Variants in KIF13A observed in about 807,000 individuals in gnomAD.
KIF13A encodes the protein kinesin-like protein KIF13A.
KIF13A carries 79 observed loss-of-function variants against 212.2 expected under a neutral mutation model. That is an observed-to-expected ratio of 0.37 (90% CI 0.31 to 0.45). The LOEUF is 0.45. Among genes scored for constraint, KIF13A ranks in the 20% least tolerant of loss-of-function variants. The pLI is 1.00. For synonymous variants in KIF13A, 789 were observed against 808.6 expected (o/e 0.98, Z 0.41); for missense variants, 1,901 against 2,209.0 (o/e 0.86, Z 2.79).
Position 17,951,428 on chromosome 6 carries a change from G to T in KIF13A, c.146+35626C>A. The T allele has an allele frequency of 1.9e-6, 1 of 533,182 alleles. No homozygotes were observed. The highest frequency in any genetic ancestry group is 2.5e-5 in the South Asian group (1 of 40,058). The allele number at this position is 533,182 out of a possible 1,614,324, so 33.0% of individuals were successfully genotyped here. On this transcript the variant is annotated intron_variant, in intron 2 of 38. Coordinates refer to ENST00000259711, the MANE Select transcript of KIF13A (RefSeq NM_022113.6). This position sits in a 1 kb window ranked among gnomAD's most constrained non-coding sequence, Gnocchi z 4.9. ...TTAGAGATGTGAGCCACTGTGACCA[G>T]CCTCAATTTAAAAAAAAAAAAAAAA... is the stretch of plus-strand genomic sequence containing the variant.
intron 2 of KIF13A, among the ~76,000 whole-genome samples, chr6:17,917,976 C>T (rs761679154): frequency 3.9e-5 from 6 of 152,214 alleles, no homozygotes; most frequent in South Asian, 2.1e-4. Flanking sequence ...TCTTTCTCCC[C>T]CTTGGTCCAG....
In KIF13A at chr6:17,926,013, G is replaced by A. The variant is rs560366611; in HGVS notation, c.147-27833C>T. 1.4e-4 allele frequency among the ~76,000 whole-genome samples: 22 copies of A among 152,276 alleles called. No individual in the cohort carries two copies. The highest frequency in any genetic ancestry group is 5.1e-4 in the African/African-American group (21 of 41,568). ...TTAAAGAGAATCTGCTGTGCCCACA[G>A]CACCAGAAGAGGCAGCTGTATCTAT... On this transcript the variant is annotated intron_variant, in intron 2 of 38. Coordinates refer to ENST00000259711, the MANE Select transcript of KIF13A (RefSeq NM_022113.6). The surrounding 1 kb of genome is among the most constrained non-coding windows in gnomAD (Gnocchi z 4.3).
intron 2 of KIF13A, among the ~76,000 whole-genome samples, chr6:17,933,496 G>C (rs959455993): frequency 2.7e-5 from 4 of 145,918 alleles, no homozygotes; most frequent in Non-Finnish European, 5.9e-5. Context: ...CTTCTGCCTT[G>C]GCCTCCCAAA....
chr6:17,820,935 C>T (rs10949451), intron 16 of KIF13A, among the ~76,000 whole-genome samples: 69,436 of 151,992 alleles, frequency 0.46, 16,256 homozygotes, highest in South Asian at 0.53. Context: ...TGAGGGGAAA[C>T]AGATCTTTGG....
At chr6:17,885,630 GAAGGT>G (rs1232544210) in intron 3 of KIF13A, among the ~76,000 whole-genome samples, 1 of 152,204 alleles carries the variant, frequency 6.6e-6, no homozygotes, top group African/African-American at 2.4e-5. Context: ...GATGCAAGGA[GAAGGT>G]ATCTCTACAA....
At chr6:17,909,180 A>G (rs1156636386) in intron 2 of KIF13A, among the ~76,000 whole-genome samples, 1 of 152,210 alleles carries the variant, frequency 6.6e-6, no homozygotes, top group African/African-American at 2.4e-5. Flanking sequence ...CATCTGGGAA[A>G]AGGGTACTGG....
chr6:17,779,172 GT>G lies in KIF13A; in HGVS notation c.3940-74del, dbSNP rs1760259910. The G allele has an allele frequency of 2.2e-5, 28 of 1,285,728 alleles. No homozygotes were observed. The South Asian group carries it at 3.6e-4, about 16-fold the overall frequency. 79.6% of individuals were successfully genotyped at this position (1,285,728 alleles called of 1,614,324 possible). On this transcript the variant is annotated intron_variant, in intron 32 of 38. Transcript: ENST00000259711. ...TTCATCCAAAGTGTGGTGAGAAAACGTTTTAGAAGTCTGGAGAATGAACACA... is the reference window on the plus strand; with the variant it reads ...TTCATCCAAAGTGTGGTGAGAAAACGTTTAGAAGTCTGGAGAATGAACACA...
At position 17,770,361 on chromosome 6, in the gene KIF13A, A is replaced by ATTTTTTTTTTTTTTTTTTTTTT. The variant is rs200616640; in HGVS notation, c.4581+731_4581+752dup. ...CTTTCCAGGCTTGAGAATAAACAGGATTTTTTTTTTTTTTTTTTTTTTTGT... is the reference window on the plus strand; with the variant it reads ...CTTTCCAGGCTTGAGAATAAACAGGATTTTTTTTTTTTTTTTTTTTTTTTTTTTTTTTTTTTTTTTTTTTTGT... On this transcript the variant is annotated intron_variant, in intron 38 of 38. Transcript: ENST00000259711. The ATTTTTTTTTTTTTTTTTTTTTT allele has an allele frequency of 3.5e-4, 42 of 119,436 alleles. 1 individual carries two copies. Among genetic ancestry groups the ATTTTTTTTTTTTTTTTTTTTTT allele is most frequent in the Non-Finnish European group, 5.4e-4 (31 of 57,530 alleles). The allele number at this position is 119,436 out of a possible 1,614,324, so 7.4% of individuals were successfully genotyped here.
intron 32 of KIF13A, 144 bp from the exon 33 acceptor site, chr6:17,779,243 A>T: frequency 4.2e-6 from 1 of 236,818 alleles, no homozygotes; most frequent in South Asian, 6.0e-5. Flanking sequence ...TAGCATATAT[A>T]TATATATATA....
Position 17,808,774 on chromosome 6 carries a change from A to G in KIF13A, c.2157T>C (p.Asn719=), listed in dbSNP as rs779971305. 7 of 1,611,696 alleles carry G rather than the reference A, an allele frequency of 4.3e-6. No homozygotes were observed. In the Admixed American group the frequency reaches 6.7e-5, roughly 15 times the overall value. The change falls in exon 18 of 39, where the codon AAT becomes AAC. Residue 719 remains asparagine (N), a synonymous_variant. Coordinates refer to ENST00000259711, the MANE Select transcript of KIF13A (RefSeq NM_022113.6). ...LQIPAANLSA[N]RKRGAIVSEP... is the part of the protein sequence containing the mutation. ...ACTTGAAGGACATTCTTACCTTCCT[A>G]TTGGCACTGAGGTTTGCAGCAGGGA... is the stretch of plus-strand genomic sequence containing the variant.
intron 2 of KIF13A, among the ~76,000 whole-genome samples, chr6:17,976,212 T>C (rs1326623629): frequency 6.6e-6 from 1 of 152,168 alleles, no homozygotes; most frequent in East Asian, 1.9e-4. Flanking sequence ...GGGTGGTCGA[T>C]GGGACTGGGC....
chr6:17,792,156 T>C (rs138949416), intron 25 of KIF13A, among the ~76,000 whole-genome samples: 50 of 133,824 alleles, frequency 3.7e-4, no homozygotes, highest in African/African-American at 1.4e-3. Flanking sequence ...TGAGCCAAGA[T>C]TGCACCATTG....
chr6:17,924,193 A>C (rs1775309309), intron 2 of KIF13A, among the ~76,000 whole-genome samples: 1 of 152,232 alleles, frequency 6.6e-6, no homozygotes, highest in Admixed American at 6.5e-5. Flanking sequence ...CATGTATTTC[A>C]GAAACCATTT....
chr6:17,838,186 C>T lies in KIF13A; in HGVS notation c.831-603G>A, dbSNP rs568905950. On this transcript the variant is annotated intron_variant, in intron 9 of 38. Transcript: ENST00000259711. This position sits in a 1 kb window ranked among gnomAD's most constrained non-coding sequence, Gnocchi z 4.2. ...AAAATACAAAAATTGCCAGGCGTGG[C>T]GGCGTGTGCCTATAGTCCCAGCTAC... Among the ~76,000 whole-genome samples, 7 of 150,032 alleles carry T rather than the reference C, an allele frequency of 4.7e-5. No individual in the cohort carries two copies. The highest frequency in any genetic ancestry group is 9.8e-5 in the African/African-American group (4 of 40,780).
rs558015145 is a variant in KIF13A, at chr6:17,778,072, A to T, written c.4093-718T>A. 1.2e-4 allele frequency among the ~76,000 whole-genome samples: 18 copies of T among 152,320 alleles called. No individual in the cohort carries two copies. The East Asian group carries it at 3.5e-3, about 29-fold the overall frequency. ...ACAATTGCTTGAACCCAGGAGGCAG[A>T]GGTTGCAGTGAGCTGAGATTGTGCC... On this transcript the variant is annotated intron_variant, in intron 33 of 38. Transcript: ENST00000259711.
Position 17,926,822 on chromosome 6 carries a change from T to C in KIF13A, c.147-28642A>G, listed in dbSNP as rs1319260344. ...TGTAATCAGAATCCAACAATTCCAC[T>C]TCTGGGAATATACCCAAAAGAAGAG... On this transcript the variant is annotated intron_variant, in intron 2 of 38. Transcript: ENST00000259711. The surrounding 1 kb of genome is among the most constrained non-coding windows in gnomAD (Gnocchi z 4.3). 6.6e-6 allele frequency among the ~76,000 whole-genome samples: 1 copy of C among 152,168 alleles called. No homozygotes were observed. Among genetic ancestry groups the C allele is most frequent in the Non-Finnish European group, 1.5e-5 (1 of 68,022 alleles).
chr6:17,763,633 A>G (rs1463649996), downstream of KIF13A: 1 of 176,362 alleles, frequency 5.7e-6, no homozygotes, highest in Non-Finnish European at 1.1e-5. Flanking sequence ...TTCCAATTCT[A>G]TGATATATAT....
At chr6:17,954,347 C>T (rs1778158589) in intron 2 of KIF13A, among the ~76,000 whole-genome samples, 1 of 151,194 alleles carries the variant, frequency 6.6e-6, no homozygotes, top group African/African-American at 2.4e-5. Flanking sequence ...TTTCTAACAT[C>T]TAATAAACTC....
Position 17,764,759 on chromosome 6 carries a change from G to A in KIF13A, c.4769C>T (p.Pro1590Leu). 6.2e-7 allele frequency: 1 copy of A among 1,613,030 alleles called. No individual in the cohort carries two copies. Among genetic ancestry groups the A allele is most frequent in the Non-Finnish European group, 8.5e-7 (1 of 1,179,484 alleles). ...GCCACTGGTAATACTGCTGGTGGTA[G>A]GGCTACGGGACACTTCTTTCTCCAA... ...RVLEKEVSRSPTTSSITSGYF... is the reference protein window; with the variant it reads ...RVLEKEVSRSLTTSSITSGYF... The change falls in exon 39 of 39, where the codon CCT (proline) becomes CTT (leucine). Residue 1590 changes from proline to leucine, a missense_variant. By Grantham distance (98) the Pro-to-Leu change is moderately conservative. Around this residue, in one of 5 missense-constraint regions of KIF13A, gnomAD observed 687 missense variants for 759.1 expected, o/e 0.90. Coordinates refer to ENST00000259711, the MANE Select transcript of KIF13A (RefSeq NM_022113.6). The surrounding 1 kb of genome is among the most constrained non-coding windows in gnomAD (Gnocchi z 5.1).
Sources: allele counts gnomAD v4.1 joint callset (sites outside exome capture counted in the v4.1 genomes callset), GRCh38; gene constraint gnomAD v4.1.1; regional missense constraint gnomAD v4.1.1; non-coding constraint Gnocchi (gnomAD v3.1); transcripts MANE v1.5; gene names NCBI Gene and HGNC (gene_info 2026-07-23, HGNC 2026-07-21).